The following FUT8 variants were observed in gnomAD, a reference collection of about 807,000 sequenced individuals.
The protein encoded by FUT8 is fucosyltransferase 8, also known as alpha-(1,6)-fucosyltransferase.
FUT8 carries 29 observed loss-of-function variants against 71.3 expected under a neutral mutation model. That is an observed-to-expected ratio of 0.41 (90% CI 0.30 to 0.55). FUT8 has a LOEUF of 0.55. Ranked by LOEUF, FUT8 falls within the 20% of genes least tolerant of loss-of-function variation. The pLI is 0.34. For synonymous variants in FUT8, 254 were observed against 239.3 expected (o/e 1.06, Z -0.57); for missense variants, 544 against 702.1 (o/e 0.77, Z 2.55).
In FUT8 at chr14:65,561,321, C is replaced by T; in HGVS notation, c.-227-16C>T. On this transcript the variant is annotated splice_polypyrimidine_tract_variant and intron_variant, in intron 2 of 10. Transcript: ENST00000673929. ...TACCTTAAATAATTTAAATACATTT[C>T]TTACTCTTTCCACAGCATGTAGAGC... 2.2e-6 allele frequency: 1 copy of T among 464,166 alleles called. No individual in the cohort carries two copies. Among genetic ancestry groups the T allele is most frequent in the Non-Finnish European group, 3.9e-6 (1 of 259,182 alleles). The allele number at this position is 464,166 out of a possible 1,614,324, so 28.8% of individuals were successfully genotyped here. A position where few individuals can be genotyped will look rare whatever the true frequency, so the allele number is the denominator to read the frequency against.
At chr14:65,618,746 T>G (rs945534355) in intron 5 of FUT8, among the ~76,000 whole-genome samples, 1 of 152,180 alleles carries the variant, frequency 6.6e-6, no homozygotes, top group Non-Finnish European at 1.5e-5. Context: ...GATACAAAAG[T>G]CCATTTTATT....
chr14:65,505,299 C>T (rs950692193), intron 2 of FUT8, among the ~76,000 whole-genome samples: 21 of 144,760 alleles, frequency 1.5e-4, no homozygotes, highest in Admixed American at 6.2e-4. Context: ...TCAAGTACTA[C>T]ATTTCAGTTT....
At chr14:65,576,413 C>T (rs187888295) in intron 3 of FUT8, among the ~76,000 whole-genome samples, 5 of 152,224 alleles carry the variant, frequency 3.3e-5, no homozygotes, top group African/African-American at 1.2e-4. Flanking sequence ...CTTTTGTAGT[C>T]TCTGAATTGT....
At chr14:65,621,650 C>CT (rs1889618487) in intron 5 of FUT8, among the ~76,000 whole-genome samples, 5 of 152,182 alleles carry the variant, frequency 3.3e-5, no homozygotes, top group Admixed American at 6.5e-5. Flanking sequence ...CAACCTCTGC[C>CT]TCCCGAGTTC....
the FUT8 span, among the ~76,000 whole-genome samples, chr14:65,369,924 G>T: frequency 6.6e-6 from 1 of 151,876 alleles, no homozygotes; most frequent in Non-Finnish European, 1.5e-5. The surrounding 1 kb of genome is among the most constrained non-coding windows in gnomAD (Gnocchi z 4.6). Context: ...TCACTTTATG[G>T]ACTCGCCCCA....
chr14:65,721,827 T>G lies in FUT8; in HGVS notation c.888T>G (p.Ser296Arg). Residue 296 changes from serine to arginine, a missense_variant, in exon 8 of 11, where the codon AGT becomes AGG. Physicochemically the swap from Ser to Arg is moderately radical, Grantham distance 110 (BLOSUM62 -1). Transcript: ENST00000673929. ...VQVVELPIVD[S>R]LHPRPPYLPL... ...TGGTCGAGCTTCCCATTGTAGACAGTCTTCATCCCCGTCCTCCATATTTAC... is the reference window on the plus strand; with the variant it reads ...TGGTCGAGCTTCCCATTGTAGACAGGCTTCATCCCCGTCCTCCATATTTAC... 1 of 1,614,196 alleles carries G rather than the reference T, an allele frequency of 6.2e-7. No homozygotes were observed. The highest frequency in any genetic ancestry group is 8.5e-7 in the Non-Finnish European group (1 of 1,180,024).
At chr14:65,670,237 T>C (rs1181051056) in intron 7 of FUT8, among the ~76,000 whole-genome samples, 1 of 152,204 alleles carries the variant, frequency 6.6e-6, no homozygotes, top group Non-Finnish European at 1.5e-5. Context: ...TCATGATCTT[T>C]AAGATCTAAA....
chr14:65,453,284 G>A (rs1269296101), intron 1 of FUT8, among the ~76,000 whole-genome samples: 1 of 152,104 alleles, frequency 6.6e-6, no homozygotes, highest in African/African-American at 2.4e-5. Flanking sequence ...GACTACAGGT[G>A]TGTACCACCA....
intron 3 of FUT8, among the ~76,000 whole-genome samples, chr14:65,602,338 ATC>A (rs200274176): frequency 0.054 from 1,273 of 23,548 alleles, 75 homozygotes; most frequent in African/African-American, 0.071. Flanking sequence ...GTAGCGTTCC[ATC>A]TCTCACACAC....
At chr14:65,383,266 T>TTTTTTTC in the FUT8 span, among the ~76,000 whole-genome samples, 1 of 22,994 alleles carries the variant, frequency 4.3e-5, no homozygotes, top group African/African-American at 1.1e-4. Context: ...TTTTCTTTTC[T>TTTTTTTC]TTTTTTTTTT....
At chr14:65,382,693 TTGGGCC>T in the FUT8 span, among the ~76,000 whole-genome samples, 6 of 152,086 alleles carry the variant, frequency 3.9e-5, no homozygotes, top group African/African-American at 7.2e-5. Flanking sequence ...TGATCTGGGG[TTGGGCC>T]CTGACATCTC....
At chr14:65,361,244 T>C in the FUT8 span, among the ~76,000 whole-genome samples, 2 of 147,432 alleles carry the variant, frequency 1.4e-5, no homozygotes, top group African/African-American at 5.3e-5. Flanking sequence ...TAATCCCAGC[T>C]ACTTGGGAGT....
At chr14:65,653,377 T>C (rs1181251982) in intron 6 of FUT8, among the ~76,000 whole-genome samples, 1 of 152,206 alleles carries the variant, frequency 6.6e-6, no homozygotes, top group African/African-American at 2.4e-5. Flanking sequence ...AGTTTTAGTC[T>C]GTGATTTATT....
intron 7 of FUT8, among the ~76,000 whole-genome samples, chr14:65,701,736 C>T (rs1467458612): frequency 6.6e-6 from 1 of 152,122 alleles, no homozygotes; most frequent in African/African-American, 2.4e-5. Flanking sequence ...CATGATGATG[C>T]ATGTTTGAAG....
intron 7 of FUT8, among the ~76,000 whole-genome samples, chr14:65,688,389 A>G (rs1893405121): frequency 6.6e-6 from 1 of 151,552 alleles, no homozygotes. Flanking sequence ...TAAGGTTCCT[A>G]CATGTCTTTT....
At chr14:65,530,557 T>C (rs1298791248) in intron 2 of FUT8, among the ~76,000 whole-genome samples, 2 of 152,188 alleles carry the variant, frequency 1.3e-5, no homozygotes, top group Non-Finnish European at 2.9e-5. Context: ...AAAATTTCAT[T>C]TTTAAATGTT....
intron 2 of FUT8, among the ~76,000 whole-genome samples, chr14:65,499,176 A>G (rs1306182264): frequency 6.6e-6 from 1 of 152,124 alleles, no homozygotes; most frequent in Non-Finnish European, 1.5e-5. Flanking sequence ...CAACCTCCCA[A>G]GTTGCTGGGA....
At chr14:65,686,184 G>A (rs140288223) in intron 7 of FUT8, among the ~76,000 whole-genome samples, 1 of 152,282 alleles carries the variant, frequency 6.6e-6, no homozygotes, top group Non-Finnish European at 1.5e-5. Flanking sequence ...TATTTTTGTT[G>A]CATGATGGTA....
At chr14:65,411,951 T>C (rs558149359), upstream of FUT8, 6 of 449,444 alleles carry the variant, frequency 1.3e-5, no homozygotes, top group East Asian at 3.5e-4. Flanking sequence ...TTCGGTCCAC[T>C]GCTCTGCATC....
Sources: gnomAD v4.1 joint callset for allele counts (sites outside exome capture counted in the v4.1 genomes callset) on GRCh38, gnomAD v4.1.1 for gene constraint, Gnocchi (gnomAD v3.1) non-coding constraint, MANE v1.5 for transcripts, NCBI Gene and HGNC (gene_info 2026-07-23, HGNC 2026-07-21) for gene names.